TCAF1: variants seen among roughly 807,000 people sequenced by gnomAD.
TCAF1 encodes the protein TRPM8 channel-associated factor 1.
A neutral mutation model predicts 27.3 loss-of-function variants in TCAF1; 4 were observed. That is an observed-to-expected ratio of 0.15 (90% CI 0.07 to 0.34). The LOEUF (loss-of-function observed/expected upper bound fraction) is 0.34, where lower values mean the gene tolerates loss of function less well. TCAF1 is among the 10% of genes least tolerant of loss of function. The pLI is 1.00. For synonymous variants in TCAF1, 105 were observed against 167.1 expected (o/e 0.63, Z 2.87); for missense variants, 257 against 425.8 (o/e 0.60, Z 3.49).
intron 1 of TCAF1, among the ~76,000 whole-genome samples, chr7:143,879,651 A>G (rs1236995660): frequency 1.3e-5 from 2 of 152,194 alleles, no homozygotes; most frequent in East Asian, 3.8e-4. Flanking sequence ...ACAAAGGGAG[A>G]TAAATGAAAA....
chr7:143,900,674 T>C (rs899438152), intron 1 of TCAF1, among the ~76,000 whole-genome samples: 1 of 149,118 alleles, frequency 6.7e-6, no homozygotes, highest in Non-Finnish European at 1.5e-5. Context: ...GGACTTGTTT[T>C]GTTTGTTCGC....
intron 1 of TCAF1, among the ~76,000 whole-genome samples, chr7:143,893,708 T>G (rs1813751498): frequency 6.6e-6 from 1 of 151,856 alleles, no homozygotes. Flanking sequence ...ATATCTTAAC[T>G]AAATAATAAT....
intron 1 of TCAF1, among the ~76,000 whole-genome samples, chr7:143,901,648 G>A (rs1586808569): frequency 6.6e-6 from 1 of 152,186 alleles, no homozygotes. Context: ...GCCCCCAGCT[G>A]GCGAGATCAA....
At chr7:143,890,825 T>TA (rs1477988980) in intron 1 of TCAF1, among the ~76,000 whole-genome samples, 2 of 152,206 alleles carry the variant, frequency 1.3e-5, no homozygotes, top group Non-Finnish European at 2.9e-5. Context: ...TCCCCTAATG[T>TA]CACTGGCTGA....
In TCAF1 at chr7:143,876,198, C is replaced by T; in HGVS notation, c.411G>A (p.Lys137=). 6.2e-7 allele frequency: 1 copy of T among 1,614,226 alleles called. No homozygotes were observed. The change falls in exon 2 of 9, where the codon AAG becomes AAA. Residue 137 remains lysine (K), a synonymous_variant. Transcript: ENST00000479870. ...CACCACATTTCATGAACTTGACCAG[C>T]TTTTCTGTCATGGTTTCATTGTAGG... is the stretch of plus-strand genomic sequence containing the variant. ...IDAYNETMTE[K]LVKFMKCGGG... is the part of the protein sequence containing the mutation.
intron 1 of TCAF1, among the ~76,000 whole-genome samples, chr7:143,892,625 C>T (rs1248513809): frequency 6.6e-6 from 1 of 150,604 alleles, no homozygotes; most frequent in Admixed American, 6.6e-5. Flanking sequence ...CTCACTGCAA[C>T]CTTGCTTAAA....
rs1315593867 is a variant in TCAF1, at chr7:143,852,407, C to G, written c.*1726G>C. On this transcript the variant is annotated 3_prime_UTR_variant, in exon 9 of 9. Coordinates refer to ENST00000479870, the MANE Select transcript of TCAF1 (RefSeq NM_014719.3). ...TAGAATGAGACATCCTAAGTAAGGT[C>G]CACTGTTTTATGGATCCCATTTCTT... is the stretch of plus-strand genomic sequence containing the variant. 6.6e-6 allele frequency: 1 copy of G among 152,370 alleles called. No homozygotes were observed. Among genetic ancestry groups the G allele is most frequent in the Non-Finnish European group, 1.5e-5 (1 of 68,208 alleles). The allele number at this position is 152,370 out of a possible 1,614,324, so 9.4% of individuals were successfully genotyped here.
At chr7:143,857,699 A>G (rs62482918) in intron 7 of TCAF1, among the ~76,000 whole-genome samples, 21,439 of 140,688 alleles carry the variant, frequency 0.15, 183 homozygotes, top group East Asian at 0.24. Context: ...ACAAGGATTT[A>G]AAATTGGCAG....
chr7:143,875,986 C>T lies in TCAF1; in HGVS notation c.620+3G>A, dbSNP rs771656937. 14 of 1,545,432 alleles carry T rather than the reference C, an allele frequency of 9.1e-6. No individual in the cohort carries two copies. Among genetic ancestry groups the T allele is most frequent in the Admixed American group, 1.9e-5 (1 of 51,868 alleles). The stretch of plus-strand genomic sequence containing the variant: ...CAACTCCCCAGTGGGGTAACATACT[C>T]ACCTAACCAACACTGGGATCTTGGG... On this transcript the variant is annotated splice_donor_region_variant and intron_variant, in intron 2 of 8. Coordinates refer to ENST00000479870, the MANE Select transcript of TCAF1 (RefSeq NM_014719.3).
chr7:143,896,236 A>C (rs1182518101), intron 1 of TCAF1, among the ~76,000 whole-genome samples: 41 of 152,044 alleles, frequency 2.7e-4, no homozygotes, highest in Middle Eastern at 3.4e-3. Context: ...AAAAAATACG[A>C]TTTTAAAACA....
intron 1 of TCAF1, 136 bp from the exon 2 acceptor site, chr7:143,876,758 G>T: frequency 1.7e-6 from 1 of 601,838 alleles, no homozygotes; most frequent in Non-Finnish European, 2.5e-6. Flanking sequence ...AATGATTTAA[G>T]CACTCGGTGT....
At chr7:143,900,220 G>A (rs1368877438) in intron 1 of TCAF1, among the ~76,000 whole-genome samples, 1 of 152,180 alleles carries the variant, frequency 6.6e-6, no homozygotes, top group Non-Finnish European at 1.5e-5. Context: ...CTGCCTCCAG[G>A]TGTTCATGTC....
At position 143,876,190 on chromosome 7, in the gene TCAF1, T is replaced by G; in HGVS notation, c.419A>C (p.Lys140Thr). 1 of 1,614,230 alleles carries G rather than the reference T, an allele frequency of 6.2e-7. No individual in the cohort carries two copies. The highest frequency in any genetic ancestry group is 8.5e-7 in the Non-Finnish European group (1 of 1,180,040). The stretch of plus-strand genomic sequence containing the variant: ...CAAGCCGCCACCACATTTCATGAAC[T>G]TGACCAGCTTTTCTGTCATGGTTTC... ...YNETMTEKLV[K>T]FMKCGGGLLI... Residue 140 changes from lysine to threonine, a missense_variant, in exon 2 of 9, where the codon AAG (lysine) becomes ACG (threonine). Physicochemically the swap from Lys to Thr is moderately conservative, Grantham distance 78. Around this residue, in one of 2 missense-constraint regions of TCAF1, gnomAD observed 255 missense variants for 260.1 expected, o/e 0.98. Coordinates refer to ENST00000479870, the MANE Select transcript of TCAF1 (RefSeq NM_014719.3).
chr7:143,885,298 G>C, intron 1 of TCAF1: 1 of 985,570 alleles, frequency 1.0e-6, no homozygotes, highest in Non-Finnish European at 1.2e-6. Flanking sequence ...AGACGCCTTG[G>C]GAATTTGCAA....
At chr7:143,892,323 A>G (rs894833053) in intron 1 of TCAF1, among the ~76,000 whole-genome samples, 3 of 152,158 alleles carry the variant, frequency 2.0e-5, no homozygotes, top group African/African-American at 7.2e-5. Flanking sequence ...CATAGAAGTA[A>G]TAATTTAAGG....
At chr7:143,899,685 TAGAGAG>T (rs1238856631) in intron 1 of TCAF1, among the ~76,000 whole-genome samples, 1 of 151,932 alleles carries the variant, frequency 6.6e-6, no homozygotes, top group Non-Finnish European at 1.5e-5. Flanking sequence ...TATAAAGACA[TAGAGAG>T]AAAGAAAACC....
At chr7:143,882,489 G>A in intron 1 of TCAF1, 1 of 985,386 alleles carries the variant, frequency 1.0e-6, no homozygotes, top group South Asian at 4.7e-5. Context: ...GAGAGGAGGA[G>A]CAATGCGGCA....
At position 143,894,800 on chromosome 7, in the gene TCAF1, G is replaced by A. The variant is rs58905767; in HGVS notation, c.-15+7161C>T. On this transcript the variant is annotated intron_variant, in intron 1 of 8. Coordinates refer to ENST00000479870, the MANE Select transcript of TCAF1 (RefSeq NM_014719.3). ...AAAAGCAAGCCAAAGATTGGAAGAG[G>A]ATATTTGCAAATCGCTGATACAAGA... 9.1e-3 allele frequency among the ~76,000 whole-genome samples: 1,381 copies of A among 151,470 alleles called. 25 individuals carry two copies. The highest frequency in any genetic ancestry group is 0.031 in the African/African-American group (1,294 of 41,410).
rs140879314 is a variant in TCAF1 at position 143,895,818 on chromosome 7, A to C, written c.-15+6143T>G. The stretch of plus-strand genomic sequence containing the variant: ...GTTATAAAACTAGTTAAACATCTTA[A>C]AAATTAGGAATTATATGCGTTAAAC... On this transcript the variant is annotated intron_variant, in intron 1 of 8. Coordinates refer to ENST00000479870, the MANE Select transcript of TCAF1 (RefSeq NM_014719.3). 2.7e-3 allele frequency among the ~76,000 whole-genome samples: 415 copies of C among 151,594 alleles called. 1 individual carries two copies. The highest frequency in any genetic ancestry group is 7.5e-3 in the African/African-American group (313 of 41,462).
Sources: allele counts gnomAD v4.1 joint callset (sites outside exome capture counted in the v4.1 genomes callset), GRCh38; gene constraint gnomAD v4.1.1; regional missense constraint gnomAD v4.1.1; transcripts MANE v1.5; gene names NCBI Gene and HGNC (gene_info 2026-07-23, HGNC 2026-07-21).